UBASH3A: variants seen among roughly 807,000 people sequenced by gnomAD.
UBASH3A encodes the protein ubiquitin associated and SH3 domain containing A.
In UBASH3A, 63 loss-of-function variants were observed where a neutral mutation model predicts 73.5. The ratio of observed to expected loss-of-function variants is 0.86; its 90% CI spans 0.70 to 1.06. The LOEUF (loss-of-function observed/expected upper bound fraction) is 1.06, where lower values mean the gene tolerates loss of function less well. Ranked by LOEUF, UBASH3A falls within the 50% of genes least tolerant of loss-of-function variation. The pLI is 0.00. For missense variants in UBASH3A, 860 were observed against 859.0 expected (o/e 1.00, Z -0.02); for synonymous variants, 363 against 351.1 (o/e 1.03, Z -0.38).
chr21:42,445,335 A>G (rs1192718974), intron 14 of UBASH3A, among the ~76,000 whole-genome samples: 1 of 152,246 alleles, frequency 6.6e-6, no homozygotes, highest in Non-Finnish European at 1.5e-5. Context: ...GAAATTCATC[A>G]GTCCACTGGT....
chr21:42,434,101 C>T (rs1198561473), intron 9 of UBASH3A, among the ~76,000 whole-genome samples: 1 of 152,170 alleles, frequency 6.6e-6, no homozygotes, highest in African/African-American at 2.4e-5. Flanking sequence ...AGTGCCCCGA[C>T]TCGTTGACCA....
chr21:42,423,866 T>TGTGG (rs1349042752), intron 7 of UBASH3A, among the ~76,000 whole-genome samples: 1 of 152,084 alleles, frequency 6.6e-6, no homozygotes, highest in Non-Finnish European at 1.5e-5. Flanking sequence ...GCACCCTCAT[T>TGTGG]GTGGCTGGGG....
Position 42,432,107 on chromosome 21 carries a change from C to A in UBASH3A, c.1175C>A (p.Thr392Asn). Residue 392 changes from threonine (T) to asparagine (N), a missense_variant, in exon 9 of 15, where the codon ACC (threonine) becomes AAC (asparagine). By Grantham distance (65) the Thr-to-Asn change is moderately conservative. Transcript: ENST00000319294. The part of the protein sequence containing the change: ...SLSSLQALQA[T>N]VARKSVLVVR... ...GCTTCCTGCCCCACCCCCCAGGCTA[C>A]CGTTGCAAGGAAGAGCGTGCTGGTG... is the stretch of plus-strand genomic sequence containing the variant. The A allele has an allele frequency of 6.2e-7, 1 of 1,611,064 alleles. No homozygotes were observed. The highest frequency in any genetic ancestry group is 8.5e-7 in the Non-Finnish European group (1 of 1,177,816).
At chr21:42,421,150 AG>A (rs1452631037) in intron 7 of UBASH3A, among the ~76,000 whole-genome samples, 2 of 152,264 alleles carry the variant, frequency 1.3e-5, no homozygotes, top group African/African-American at 4.8e-5. Flanking sequence ...AGGAGAGTGG[AG>A]AGAGCAGGCA....
intron 9 of UBASH3A, among the ~76,000 whole-genome samples, chr21:42,434,091 A>G (rs1471867213): frequency 6.6e-6 from 1 of 150,622 alleles, no homozygotes; most frequent in Non-Finnish European, 1.5e-5. Context: ...ACATGAGACC[A>G]GTGCCCCGAC....
chr21:42,418,971 A>G (rs2053280438), intron 7 of UBASH3A, among the ~76,000 whole-genome samples: 1 of 152,198 alleles, frequency 6.6e-6, no homozygotes, highest in Admixed American at 6.5e-5. Context: ...AGGTCGTATT[A>G]TTAGTTTTCT....
intron 7 of UBASH3A, among the ~76,000 whole-genome samples, chr21:42,424,586 G>A (rs1264363245): frequency 6.6e-6 from 1 of 152,094 alleles, no homozygotes; most frequent in Non-Finnish European, 1.5e-5. Flanking sequence ...GTGAGGGCTC[G>A]GGAGAATAAG....
Position 42,415,451 on chromosome 21 carries a change from C to G in UBASH3A, c.668-991C>G, listed in dbSNP as rs549146850. ...CCCATTTGCCTCTAAAGGCTCACCTCTCACGTGGGAGACAGCAGTGAGCCC... is the reference window on the plus strand; with the variant it reads ...CCCATTTGCCTCTAAAGGCTCACCTGTCACGTGGGAGACAGCAGTGAGCCC... On this transcript the variant is annotated intron_variant, in intron 5 of 14. Transcript: ENST00000319294. Among the ~76,000 whole-genome samples, 3 of 152,350 alleles carry G rather than the reference C, an allele frequency of 2.0e-5. No individual in the cohort carries two copies. The South Asian group carries it at 6.2e-4, about 32-fold the overall frequency.
At chr21:42,417,419 C>CAAA (rs71190423) in intron 6 of UBASH3A, 58 of 74,292 alleles carry the variant, frequency 7.8e-4, no homozygotes, top group African/African-American at 2.0e-3. Context: ...GCGAGACTGG[C>CAAA]AAAAAAAAAA....
At position 42,413,032 on chromosome 21, in the gene UBASH3A, C is replaced by A. The variant is rs143623863; in HGVS notation, c.363C>A (p.Asp121Glu). Residue 121 changes from aspartate to glutamate, a missense_variant, in exon 4 of 15, where the codon GAC becomes GAA. Physicochemically the swap from Asp to Glu is conservative, Grantham distance 45 (BLOSUM62 2). Coordinates refer to ENST00000319294, the MANE Select transcript of UBASH3A (RefSeq NM_018961.4). This position sits in a 1 kb window ranked among gnomAD's most constrained non-coding sequence, Gnocchi z 4.5. ...VTLCDFFTCE[D>E]QKVECLYEAL... ...TGTCTCTGTCCCCTTAGTGTGAAGA[C>A]CAGAAGGTGGAATGCCTGTACGAGG... 3.0e-4 allele frequency: 480 copies of A among 1,613,958 alleles called. No homozygotes were observed. Among genetic ancestry groups the A allele is most frequent in the Non-Finnish European group, 3.9e-4 (461 of 1,179,940 alleles).
chr21:42,429,999 T>G (rs2053500695), intron 8 of UBASH3A, among the ~76,000 whole-genome samples: 1 of 151,510 alleles, frequency 6.6e-6, no homozygotes, highest in Non-Finnish European at 1.5e-5. Context: ...TTTCAGCAGC[T>G]GGAAATTCTG....
intron 1 of UBASH3A, 48 bp downstream of exon 1, chr21:42,404,106 C>T (rs187198957): frequency 1.7e-6 from 2 of 1,163,746 alleles, no homozygotes; most frequent in Non-Finnish European, 2.3e-6. Context: ...AGGCTGGTGC[C>T]AGACCCTGCT....
chr21:42,425,589 A>T lies in UBASH3A; in HGVS notation c.1047-1108A>T, dbSNP rs370720930. 2.0e-5 allele frequency among the ~76,000 whole-genome samples: 3 copies of T among 152,372 alleles called. 1 individual carries two copies. The highest frequency in any genetic ancestry group is 1.9e-4 in the East Asian group (1 of 5,190). On this transcript the variant is annotated intron_variant, in intron 7 of 14. Transcript: ENST00000319294. Reference sequence around the variant, plus strand: ...AACTCAAGTGTGCATTTCCTATCTAATGGCATCTGACAGCTTGAGAAGATG... The same window carrying T: ...AACTCAAGTGTGCATTTCCTATCTATTGGCATCTGACAGCTTGAGAAGATG...
chr21:42,444,085 G>A (rs1328367001), intron 13 of UBASH3A, among the ~76,000 whole-genome samples: 1 of 152,248 alleles, frequency 6.6e-6, no homozygotes, highest in Non-Finnish European at 1.5e-5. Flanking sequence ...AGCTGGCAGG[G>A]ACAAGCGTGT....
chr21:42,410,617 C>T (rs1419968666), intron 3 of UBASH3A: 1 of 196,542 alleles, frequency 5.1e-6, no homozygotes, highest in African/African-American at 2.3e-5. Context: ...AGAGTTTTCC[C>T]CCTACATCGA....
intron 1 of UBASH3A, among the ~76,000 whole-genome samples, chr21:42,406,018 C>G (rs1342864779): frequency 7.1e-6 from 1 of 141,578 alleles, no homozygotes; most frequent in Non-Finnish European, 1.5e-5. Flanking sequence ...AGAGGGATTG[C>G]AGGAGCGGGC....
chr21:42,444,455 C>G (rs990722862), intron 13 of UBASH3A, 79 bp from the exon 14 acceptor site: 33 of 1,082,616 alleles, frequency 3.0e-5, no homozygotes, highest in South Asian at 1.6e-4. Flanking sequence ...CTCTGCCCCC[C>G]ACCACTTTGG....
At chr21:42,421,087 G>A (rs1157629333) in intron 7 of UBASH3A, among the ~76,000 whole-genome samples, 1 of 152,234 alleles carries the variant, frequency 6.6e-6, no homozygotes, top group Non-Finnish European at 1.5e-5. Flanking sequence ...CCATTGCAAA[G>A]TGTTAAGGTG....
intron 3 of UBASH3A, chr21:42,410,522 T>C: frequency 2.7e-6 from 1 of 375,130 alleles, no homozygotes; most frequent in East Asian, 4.0e-5. Flanking sequence ...TTCCAAAGCC[T>C]CCAACCACCA....
Sources: gnomAD v4.1 joint callset for allele counts (sites outside exome capture counted in the v4.1 genomes callset) on GRCh38, gnomAD v4.1.1 for gene constraint, Gnocchi (gnomAD v3.1) non-coding constraint, MANE v1.5 for transcripts, NCBI Gene and HGNC (gene_info 2026-07-23, HGNC 2026-07-21) for gene names.